The following KLHL38 variants were observed in gnomAD, a reference collection of about 807,000 sequenced individuals.
The protein encoded by KLHL38 is kelch like family member 38, also known as kelch-like protein 38.
In KLHL38, 38 loss-of-function variants were observed where a neutral mutation model predicts 39.6. The observed-to-expected ratio is 0.96, with a 90% CI of 0.74 to 1.26. The LOEUF (loss-of-function observed/expected upper bound fraction) is 1.26, where lower values mean the gene tolerates loss of function less well. Among genes scored for constraint, KLHL38 ranks in the 50% most tolerant of loss-of-function variants. KLHL38 has a pLI of 0.00. For synonymous variants in KLHL38, 322 were observed against 302.2 expected, an observed-to-expected ratio of 1.07 and a Z score of -0.68; for missense variants, 803 against 748.1, an observed-to-expected ratio of 1.07 and a Z score of -0.86.
At chr8:123,650,017 C>T (rs542443621) in intron 2 of KLHL38, among the ~76,000 whole-genome samples, 2 of 152,202 alleles carry the variant, frequency 1.3e-5, no homozygotes, top group South Asian at 4.2e-4. Flanking sequence ...CTTCCTGCAT[C>T]TCCCTCTAAG....
rs944128795 is a variant in KLHL38 at position 123,652,368 on chromosome 8, C to T, written c.559G>A (p.Asp187Asn). ...ALELRDYLGD[D>N]GLCGEEEKVF... ...TTTTCCTCCTCCCCACAGAGCCCAT[C>T]ATCTCCGAGATAGTCCCTCAACTCC... Residue 187 changes from aspartate to asparagine, a missense_variant, in exon 2 of 4, where the codon GAT (aspartate) becomes AAT (asparagine). Coordinates refer to ENST00000684634, the MANE Select transcript of KLHL38 (RefSeq NM_001081675.3). 1.9e-6 allele frequency: 3 copies of T among 1,614,012 alleles called. No homozygotes were observed. The highest frequency in any genetic ancestry group is 2.7e-5 in the African/African-American group (2 of 75,058).
intron 3 of KLHL38, among the ~76,000 whole-genome samples, chr8:123,646,294 G>A (rs533143686): frequency 5.4e-4 from 83 of 152,328 alleles, no homozygotes; most frequent in African/African-American, 1.9e-3. Context: ...CCTGATTCCT[G>A]TAACTTTCTC....
rs56194946 is a variant in KLHL38, at chr8:123,645,035, T to TGA, written c.*702_*703dup. Reference sequence around the variant, plus strand: ...AGAGAGAGGAAGACAGAGGGGAGACTGAGAGAGAGAGAGAGAGAGAGGGGC... The same window carrying TGA: ...AGAGAGAGGAAGACAGAGGGGAGACTGAGAGAGAGAGAGAGAGAGAGAGGGGC... On this transcript the variant is annotated 3_prime_UTR_variant, in exon 4 of 4. Transcript: ENST00000684634. Among the ~76,000 whole-genome samples the TGA allele has an allele frequency of 3.6e-3, 510 of 143,510 alleles. 1 individual carries two copies. The highest frequency in any genetic ancestry group is 7.0e-3 in the African/African-American group (273 of 38,996). 94.1% of individuals were successfully genotyped at this position (143,510 alleles called of 152,430 possible).
rs374414250 is a variant in KLHL38, at chr8:123,645,449, A to AAGAGAGAGAG, written c.*280_*289dup. 5,133 of 325,006 alleles carry AAGAGAGAGAG rather than the reference A, an allele frequency of 0.016. 103 individuals are homozygous for AAGAGAGAGAG. Among genetic ancestry groups the AAGAGAGAGAG allele is most frequent in the East Asian group, 0.08 (1,397 of 17,484 alleles). The allele number at this position is 325,006 out of a possible 1,614,324, so 20.1% of individuals were successfully genotyped here. On this transcript the variant is annotated 3_prime_UTR_variant, in exon 4 of 4. Transcript: ENST00000684634. ...GAAACTCCATCTCAAAAAAAAGAAA[A>AAGAGAGAGAG]AGAGAGAGAGAGAGAGAGAGAGAGA...
intron 2 of KLHL38, among the ~76,000 whole-genome samples, chr8:123,650,737 A>T (rs1812628159): frequency 6.6e-6 from 1 of 152,198 alleles, no homozygotes; most frequent in Non-Finnish European, 1.5e-5. Context: ...GCCGATCATT[A>T]AAAGTAGGGG....
intron 1 of KLHL38, 135 bp from the exon 2 acceptor site, chr8:123,653,062 C>G: frequency 1.1e-6 from 1 of 870,054 alleles, no homozygotes; most frequent in East Asian, 2.7e-5. Context: ...GCGGATGTCA[C>G]CATGGATATT....
chr8:123,646,274 G>A (rs1818664612), intron 3 of KLHL38, among the ~76,000 whole-genome samples: 1 of 152,232 alleles, frequency 6.6e-6, no homozygotes, highest in Non-Finnish European at 1.5e-5. Flanking sequence ...TCTTAGATTG[G>A]GAGCGGCCTC....
chr8:123,653,258 A>T (rs1455978336), intron 1 of KLHL38, among the ~76,000 whole-genome samples: 1 of 152,186 alleles, frequency 6.6e-6, no homozygotes, highest in Non-Finnish European at 1.5e-5. Flanking sequence ...GTCTGAAGCA[A>T]GATAACAGTC....
rs1302297374 is a variant in KLHL38 at position 123,646,981 on chromosome 8, T to G, written c.1384A>C (p.Met462Leu). Reference sequence around the variant, plus strand: ...ACGTTCTTGATCATTCTTGTCTCCATTTTGAACCACGAGTTTCTGGAAATG... The same window carrying G: ...ACGTTCTTGATCATTCTTGTCTCCAGTTTGAACCACGAGTTTCTGGAAATG... ...YHISRNSWFK[M>L]ETRMIKNVCA... is the part of the protein sequence containing the mutation. Residue 462 changes from methionine to leucine, a missense_variant, in exon 3 of 4, where the codon ATG becomes CTG. Transcript: ENST00000684634. The G allele has an allele frequency of 1.9e-6, 3 of 1,613,024 alleles. No homozygotes were observed. The East Asian group carries it at 6.7e-5, about 36-fold the overall frequency.
rs1234075072 is a variant in KLHL38 at position 123,652,516 on chromosome 8, C to A, written c.411G>T (p.Leu137=). The change falls in exon 2 of 4, where the codon CTG becomes CTT. Residue 137 remains leucine (L), a synonymous_variant. Coordinates refer to ENST00000684634, the MANE Select transcript of KLHL38 (RefSeq NM_001081675.3). ...LQSQLAPSNC[L]GMIRLSEILS... ...AGATTTCTGAGAGTCTGATCATACC[C>A]AGGCAGTTGCTGGGGGCCAACTGGC... is the stretch of plus-strand genomic sequence containing the variant. 6.2e-7 allele frequency: 1 copy of A among 1,614,094 alleles called. No individual in the cohort carries two copies. The highest frequency in any genetic ancestry group is 1.3e-5 in the African/African-American group (1 of 74,934).
rs1431433849 is a variant in KLHL38, at chr8:123,651,908, A to C, written c.1019T>G (p.Met340Arg). 6.2e-7 allele frequency: 1 copy of C among 1,614,068 alleles called. No homozygotes were observed. The highest frequency in any genetic ancestry group is 2.2e-5 in the East Asian group (1 of 44,900). Residue 340 changes from methionine to arginine, a missense_variant, in exon 2 of 4, where the codon ATG (methionine) becomes AGG (arginine). Met to Arg is a moderately conservative substitution (Grantham distance 91). Transcript: ENST00000684634. ...LHRSIYVLGG[M>R]AVSSGRSLVS... ...CAGACTCCTCCCTGAGCTGACAGCC[A>C]TGCCCCCCAGCACATAGATGCTGCG...
chr8:123,653,025 G>C, intron 1 of KLHL38, 98 bp from the exon 2 acceptor site: 1 of 1,201,608 alleles, frequency 8.3e-7, no homozygotes, highest in South Asian at 1.6e-5. Context: ...CAAGACCAGT[G>C]CTCCTATTCC....
In KLHL38 at chr8:123,645,473, G is replaced by GAGAGAGAGAGAA. The variant is rs1247797946; in HGVS notation, c.*265_*266insTTCTCTCTCTCT. ...AAAGAGAGAGAGAGAGAGAGAGAGA[G>GAGAGAGAGAGAA]AGAGAGACAGACAGAGATAGGGGAG... On this transcript the variant is annotated 3_prime_UTR_variant, in exon 4 of 4. Transcript: ENST00000684634. 4.0e-6 allele frequency: 2 copies of GAGAGAGAGAGAA among 499,170 alleles called. No homozygotes were observed. The highest frequency in any genetic ancestry group is 6.3e-5 in the East Asian group (2 of 31,548). The allele number at this position is 499,170 out of a possible 1,614,324, so 30.9% of individuals were successfully genotyped here.
In KLHL38 at chr8:123,651,821, A is replaced by T. The variant is rs199503800; in HGVS notation, c.1106T>A (p.Met369Lys). 1.9e-6 allele frequency: 3 copies of T among 1,614,086 alleles called. No individual in the cohort carries two copies. Among genetic ancestry groups the T allele is most frequent in the Admixed American group, 1.7e-5 (1 of 60,010 alleles). The change falls in exon 2 of 4, where the codon ATG becomes AAG. Residue 369 changes from methionine (M) to lysine (K), a missense_variant. Coordinates refer to ENST00000684634, the MANE Select transcript of KLHL38 (RefSeq NM_001081675.3). ...TCTGTGGGAGTAGCGGGCCACCAGC[A>T]TGGGCTCCCCCAGCCTCCACTGATT... ...KLNQWRLGEP[M>K]LVARYSHRST...
In KLHL38 at chr8:123,652,299, C is replaced by T. The variant is rs560309203; in HGVS notation, c.628G>A (p.Ala210Thr). Residue 210 changes from alanine (A) to threonine (T), a missense_variant, in exon 2 of 4, where the codon GCC becomes ACC. Transcript: ENST00000684634. The part of the protein sequence containing the change: ...LMVWIKHDLQ[A>T]RKRYMQELFK... ...AGTTCCTGCATGTATCGCTTCCGGG[C>T]CTGGAGGTCATGCTTGATCCAAACC... 71 of 1,613,996 alleles carry T rather than the reference C, an allele frequency of 4.4e-5. 1 individual carries two copies. In the South Asian group the frequency reaches 7.1e-4, roughly 16 times the overall value.
chr8:123,650,198 T>G (rs1279074049), intron 2 of KLHL38, among the ~76,000 whole-genome samples: 1 of 151,990 alleles, frequency 6.6e-6, no homozygotes, highest in Non-Finnish European at 1.5e-5. Flanking sequence ...TCTCTCTGAT[T>G]CTCTCTGGAC....
chr8:123,653,053 C>A (rs574108894), intron 1 of KLHL38, 126 bp from the exon 2 acceptor site: 17 of 930,970 alleles, frequency 1.8e-5, no homozygotes, highest in East Asian at 2.7e-5. Flanking sequence ...ATGATGTTTG[C>A]GGATGTCACC....
Position 123,646,047 on chromosome 8 carries a change from A to C in KLHL38, c.1457-19T>G, listed in dbSNP as rs1392958369. The C allele has an allele frequency of 6.2e-7, 1 of 1,610,904 alleles. No homozygotes were observed. The highest frequency in any genetic ancestry group is 1.3e-5 in the African/African-American group (1 of 75,002). On this transcript the variant is annotated intron_variant, in intron 3 of 3. Transcript: ENST00000684634. ...GTGTAACCTGAAAACCAAATGACAC[A>C]TGGGCAAGCTCAGTGTTGCTCATCT...
Position 123,645,455 on chromosome 8 carries a change from GAGA to G in KLHL38, c.*281_*283del. The G allele has an allele frequency of 2.5e-6, 1 of 401,344 alleles. No homozygotes were observed. The highest frequency in any genetic ancestry group is 4.4e-6 in the Non-Finnish European group (1 of 225,510). The allele number at this position is 401,344 out of a possible 1,614,324, so 24.9% of individuals were successfully genotyped here. On this transcript the variant is annotated 3_prime_UTR_variant, in exon 4 of 4. Transcript: ENST00000684634. ...CCATCTCAAAAAAAAGAAAAAGAGA[GAGA>G]GAGAGAGAGAGAGAGAGAGAGACAG...
Sources: allele counts gnomAD v4.1 joint callset (sites outside exome capture counted in the v4.1 genomes callset), GRCh38; gene constraint gnomAD v4.1.1; transcripts MANE v1.5; gene names NCBI Gene and HGNC (gene_info 2026-07-23, HGNC 2026-07-21).